The following TSGA13 variants were observed in gnomAD, a reference collection of about 807,000 sequenced individuals.
The protein encoded by TSGA13 is testis specific 13, also known as testis-specific gene 13 protein.
A neutral mutation model predicts 35.1 loss-of-function variants in TSGA13; 37 were observed. The observed-to-expected ratio is 1.05, with a 90% CI of 0.81 to 1.39. TSGA13 has a LOEUF of 1.39. Ranked by LOEUF, TSGA13 falls within the 40% of genes most tolerant of loss-of-function variation. The pLI, the probability that TSGA13 is intolerant of heterozygous loss-of-function variation, is 0.00. For synonymous variants in TSGA13, 124 were observed against 121.2 expected (o/e 1.02, Z -0.15); for missense variants, 338 against 328.5 (o/e 1.03, Z -0.22).
In TSGA13 at chr7:130,668,999, C is replaced by T. The variant is rs1431826950; in HGVS notation, c.*15G>A. 6.2e-7 allele frequency: 1 copy of T among 1,613,326 alleles called. No individual in the cohort carries two copies. On this transcript the variant is annotated 3_prime_UTR_variant, in exon 8 of 8. Coordinates refer to ENST00000356588, the MANE Select transcript of TSGA13 (RefSeq NM_052933.4). ...GTCTCAAGAGAGCGAGGCGGGAGGA[C>T]TGAGGGGTCTGTGTTCACCCGATGA...
chr7:130,668,834 G>A lies in TSGA13; in HGVS notation c.*180C>T, dbSNP rs1301658953. The A allele has an allele frequency of 2.3e-6, 3 of 1,287,728 alleles. No homozygotes were observed. The highest frequency in any genetic ancestry group is 3.1e-5 in the African/African-American group (2 of 63,726). The allele number at this position is 1,287,728 out of a possible 1,614,324, so 79.8% of individuals were successfully genotyped here. Reference sequence around the variant, plus strand: ...CCCTCCCCGGCCGCCCTCGGCCCCCGGGACGCAGCCACGCCCCCTTCTCCT... The same window carrying A: ...CCCTCCCCGGCCGCCCTCGGCCCCCAGGACGCAGCCACGCCCCCTTCTCCT... On this transcript the variant is annotated 3_prime_UTR_variant, in exon 8 of 8. Transcript: ENST00000356588.
At chr7:130,675,407 G>A (rs1796390277) in intron 5 of TSGA13, among the ~76,000 whole-genome samples, 1 of 151,842 alleles carries the variant, frequency 6.6e-6, no homozygotes, top group Admixed American at 6.6e-5. Context: ...GGGAGGGGAT[G>A]GAATCTCACT....
rs994965223 is a variant in TSGA13, at chr7:130,668,711, A to G, written c.*303T>C. The stretch of plus-strand genomic sequence containing the variant: ...CGCCCAGACCCACCGCAACCGTCCC[A>G]GGCGCCGCAGCCGGCGAGCGGAAGA... On this transcript the variant is annotated 3_prime_UTR_variant, in exon 8 of 8. Transcript: ENST00000356588. 61 of 1,510,976 alleles carry G rather than the reference A, an allele frequency of 4.0e-5. No homozygotes were observed. The highest frequency in any genetic ancestry group is 5.2e-5 in the Non-Finnish European group (59 of 1,129,528). 93.6% of individuals were successfully genotyped at this position (1,510,976 alleles called of 1,614,324 possible).
intron 4 of TSGA13, 100 bp downstream of exon 4, chr7:130,680,846 C>T (rs1158140416): frequency 1.9e-6 from 2 of 1,073,646 alleles, no homozygotes; most frequent in African/African-American, 3.1e-5. Context: ...GTCACAGAAG[C>T]TGGGGACACT....
At position 130,672,847 on chromosome 7, in the gene TSGA13, C is replaced by T. The variant is rs782120665; in HGVS notation, c.417G>A (p.Glu139=). The change falls in exon 6 of 8, where the codon GAG becomes GAA. Residue 139 remains glutamate, a synonymous_variant. Coordinates refer to ENST00000356588, the MANE Select transcript of TSGA13 (RefSeq NM_052933.4). ...GAGGCATGCGGGGCAGCCAGAGGTT[C>T]TCAGTGGGTTTGTGCTGATGATGAC... ...MESHHQHKPT[E]NLWLPRMPQK... The T allele has an allele frequency of 2.5e-6, 4 of 1,614,004 alleles. No homozygotes were observed. In the South Asian group the frequency reaches 3.3e-5, roughly 13 times the overall value.
chr7:130,678,154 G>A (rs1473529647), intron 5 of TSGA13, among the ~76,000 whole-genome samples: 1 of 152,124 alleles, frequency 6.6e-6, no homozygotes. Flanking sequence ...CAAGGCGGGT[G>A]GATCACAAGG....
At chr7:130,685,623 G>A (rs1337923642) in intron 1 of TSGA13, among the ~76,000 whole-genome samples, 1 of 152,144 alleles carries the variant, frequency 6.6e-6, no homozygotes, top group Admixed American at 6.5e-5. Context: ...CTAATTCCAT[G>A]ATAGTGATGA....
chr7:130,678,830 T>C (rs782401427), intron 5 of TSGA13, among the ~76,000 whole-genome samples: 5 of 152,140 alleles, frequency 3.3e-5, no homozygotes, highest in Non-Finnish European at 5.9e-5. Flanking sequence ...AAGACTAGCC[T>C]GGGCAACATA....
At chr7:130,670,401 G>A (rs1796235804) in intron 7 of TSGA13, among the ~76,000 whole-genome samples, 1 of 152,116 alleles carries the variant, frequency 6.6e-6, no homozygotes, top group Admixed American at 6.6e-5. Context: ...GGAGTCTCAG[G>A]AATTGTTTGA....
chr7:130,679,039 A>G, intron 5 of TSGA13, 116 bp downstream of exon 5: 1 of 893,222 alleles, frequency 1.1e-6, no homozygotes, highest in Non-Finnish European at 1.7e-6. Context: ...ACAAACAAAC[A>G]AAAAAATTAA....
In TSGA13 at chr7:130,668,826, C is replaced by G. The variant is rs1796167722; in HGVS notation, c.*188G>C. ...AAGGCCCGCCCTCCCCGGCCGCCCT[C>G]GGCCCCCGGGACGCAGCCACGCCCC... On this transcript the variant is annotated 3_prime_UTR_variant, in exon 8 of 8. Coordinates refer to ENST00000356588, the MANE Select transcript of TSGA13 (RefSeq NM_052933.4). 2 of 1,280,128 alleles carry G rather than the reference C, an allele frequency of 1.6e-6. No homozygotes were observed. The highest frequency in any genetic ancestry group is 1.6e-5 in the South Asian group (1 of 62,012). 79.3% of individuals were successfully genotyped at this position (1,280,128 alleles called of 1,614,324 possible).
In TSGA13 at chr7:130,671,755, C is replaced by G. The variant is rs1796272504; in HGVS notation, c.564G>C (p.Gly188=). 2.5e-6 allele frequency: 4 copies of G among 1,602,120 alleles called. No individual in the cohort carries two copies. The African/African-American group carries it at 4.0e-5, about 16-fold the overall frequency. ...TCAAAGCGTAGACTTTTGAATACTT[C>G]CCTTCGCTCTTGAAATCATTGTCAG... is the stretch of plus-strand genomic sequence containing the variant. The part of the protein sequence containing the change: ...FSTDNDFKSE[G]KYSKVYALRT... The change falls in exon 7 of 8, where the codon GGG becomes GGC. Residue 188 remains glycine (G), a synonymous_variant. Transcript: ENST00000356588.
chr7:130,684,588 C>T (rs1215753490), intron 2 of TSGA13, among the ~76,000 whole-genome samples: 5 of 152,282 alleles, frequency 3.3e-5, no homozygotes, highest in South Asian at 2.1e-4. Context: ...GAAATAGCCA[C>T]GCTATGTCGT....
At chr7:130,678,088 T>C (rs1048165953) in intron 5 of TSGA13, among the ~76,000 whole-genome samples, 1 of 152,154 alleles carries the variant, frequency 6.6e-6, no homozygotes, top group Non-Finnish European at 1.5e-5. Context: ...AAGATTTGGC[T>C]ACTGTGTAGG....
In TSGA13 at chr7:130,668,830, C is replaced by A; in HGVS notation, c.*184G>T. On this transcript the variant is annotated 3_prime_UTR_variant, in exon 8 of 8. Coordinates refer to ENST00000356588, the MANE Select transcript of TSGA13 (RefSeq NM_052933.4). Reference sequence around the variant, plus strand: ...CCCGCCCTCCCCGGCCGCCCTCGGCCCCCGGGACGCAGCCACGCCCCCTTC... The same window carrying A: ...CCCGCCCTCCCCGGCCGCCCTCGGCACCCGGGACGCAGCCACGCCCCCTTC... The A allele has an allele frequency of 7.8e-7, 1 of 1,281,044 alleles. No homozygotes were observed. The highest frequency in any genetic ancestry group is 1.0e-6 in the Non-Finnish European group (1 of 952,456). The allele number at this position is 1,281,044 out of a possible 1,614,324, so 79.4% of individuals were successfully genotyped here. A position where few individuals can be genotyped will look rare whatever the true frequency, so the allele number is the denominator to read the frequency against.
chr7:130,676,369 T>C (rs1796411942), intron 5 of TSGA13, among the ~76,000 whole-genome samples: 1 of 152,218 alleles, frequency 6.6e-6, no homozygotes, highest in Non-Finnish European at 1.5e-5. Flanking sequence ...AATTTGCTCA[T>C]CAATATGATT....
chr7:130,679,099 G>T, intron 5 of TSGA13, 56 bp downstream of exon 5: 1 of 1,379,534 alleles, frequency 7.2e-7, no homozygotes, highest in Non-Finnish European at 1.0e-6. Flanking sequence ...CCTTCTCAAT[G>T]CTAACTCCTA....
chr7:130,676,123 A>G (rs1487948740), intron 5 of TSGA13, among the ~76,000 whole-genome samples: 2 of 152,236 alleles, frequency 1.3e-5, no homozygotes, highest in Non-Finnish European at 2.9e-5. Context: ...TTTTGGATGC[A>G]TGCCTGGGCA....
chr7:130,683,059 G>A (rs1405360243), intron 3 of TSGA13, among the ~76,000 whole-genome samples: 1 of 152,114 alleles, frequency 6.6e-6, no homozygotes, highest in Non-Finnish European at 1.5e-5. Flanking sequence ...AATAATTTTA[G>A]GGGGAAATTC....
Sources: allele counts gnomAD v4.1 joint callset (sites outside exome capture counted in the v4.1 genomes callset), GRCh38; gene constraint gnomAD v4.1.1; transcripts MANE v1.5; gene names NCBI Gene and HGNC (gene_info 2026-07-23, HGNC 2026-07-21).